AMOTL1: variants seen among roughly 807,000 people sequenced by gnomAD.
The protein encoded by AMOTL1 is angiomotin like 1.
In AMOTL1, 45 loss-of-function variants were observed where a neutral mutation model predicts 102.9. That is an observed-to-expected ratio of 0.44 (90% CI 0.34 to 0.56). The LOEUF (loss-of-function observed/expected upper bound fraction) is 0.56, where lower values mean the gene tolerates loss of function less well. AMOTL1 is among the 20% of genes least tolerant of loss of function. The pLI is 0.01. For synonymous variants in AMOTL1, 481 were observed against 484.7 expected, an observed-to-expected ratio of 0.99 and a Z score of 0.10; for missense variants, 1,114 against 1,225.6, an observed-to-expected ratio of 0.91 and a Z score of 1.36.
At chr11:94,723,169 C>A (rs1270150910) in intron 1 of AMOTL1, among the ~76,000 whole-genome samples, 2 of 152,068 alleles carry the variant, frequency 1.3e-5, no homozygotes, top group Non-Finnish European at 2.9e-5. Flanking sequence ...TGGCCATGCA[C>A]CGTGCTAACA....
At chr11:94,729,041 C>T in exon 2 of AMOTL1, 1 of 1,289,054 alleles carries the variant, frequency 7.8e-7, no homozygotes, top group Non-Finnish European at 1.0e-6. Context: ...CATCATTTTG[C>T]CAGCACCAGA....
At chr11:94,806,735 C>A (rs970826438) in intron 3 of AMOTL1, among the ~76,000 whole-genome samples, 1 of 152,082 alleles carries the variant, frequency 6.6e-6, no homozygotes, top group Non-Finnish European at 1.5e-5. Flanking sequence ...CCTAACAATT[C>A]CAGCTGTAAT....
chr11:94,718,817 T>C (rs984178221), intron 1 of AMOTL1, among the ~76,000 whole-genome samples: 2 of 151,934 alleles, frequency 1.3e-5, no homozygotes, highest in South Asian at 2.1e-4. Flanking sequence ...CGTTATAAAT[T>C]TTACCTTTCA....
Position 94,873,768 on chromosome 11 carries a change from C to CGTGTGT in AMOTL1, c.*2977_*2978insGTGTGT, listed in dbSNP as rs1565393213. 46 of 145,962 alleles carry CGTGTGT rather than the reference C, an allele frequency of 3.2e-4. No homozygotes were observed. The highest frequency in any genetic ancestry group is 1.1e-3 in the African/African-American group (43 of 39,088). The allele number at this position is 145,962 out of a possible 1,614,324, so 9.0% of individuals were successfully genotyped here. ...TGCCTGTCTGTGATGTGTGTGTGCA[C>CGTGTGT]GTGTAACTACACACACACACACACA... On this transcript the variant is annotated 3_prime_UTR_variant, in exon 13 of 13. Transcript: ENST00000433060.
At chr11:94,734,402 G>A (rs1268918530) in intron 2 of AMOTL1, among the ~76,000 whole-genome samples, 1 of 152,176 alleles carries the variant, frequency 6.6e-6, no homozygotes, top group African/African-American at 2.4e-5. Flanking sequence ...GTGGAGCTGT[G>A]CTAAAAGGAA....
At chr11:94,725,608 A>G (rs1251959076) in intron 1 of AMOTL1, among the ~76,000 whole-genome samples, 2 of 152,164 alleles carry the variant, frequency 1.3e-5, no homozygotes, top group Admixed American at 1.3e-4. Flanking sequence ...GATAAATGCT[A>G]TAATGAGGTA....
At chr11:94,858,710 A>T (rs1452639569) in intron 8 of AMOTL1, among the ~76,000 whole-genome samples, 1 of 152,234 alleles carries the variant, frequency 6.6e-6, no homozygotes, top group African/African-American at 2.4e-5. Context: ...TGAGACTCCA[A>T]GATAACTTAT....
At position 94,815,552 on chromosome 11, in the gene AMOTL1, C is replaced by T. The variant is rs191370881; in HGVS notation, c.1122-5978C>T. Among the ~76,000 whole-genome samples the T allele has an allele frequency of 1.2e-3, 189 of 151,950 alleles. 1 individual carries two copies. The highest frequency in any genetic ancestry group is 4.3e-3 in the African/African-American group (177 of 41,486). ...ATTTAAAATCTAAAGTTACATAATACGTATTCATTGAATGTCTGGGTCATT... is the reference window on the plus strand; with the variant it reads ...ATTTAAAATCTAAAGTTACATAATATGTATTCATTGAATGTCTGGGTCATT... On this transcript the variant is annotated intron_variant, in intron 3 of 12. Coordinates refer to ENST00000433060, the MANE Select transcript of AMOTL1 (RefSeq NM_130847.3).
At chr11:94,852,859 A>G (rs1354214971) in intron 7 of AMOTL1, among the ~76,000 whole-genome samples, 1 of 152,242 alleles carries the variant, frequency 6.6e-6, no homozygotes, top group African/African-American at 2.4e-5. Context: ...ATGGGTACAC[A>G]TACATATATA....
At chr11:94,794,678 A>G (rs766545537) in intron 1 of AMOTL1, among the ~76,000 whole-genome samples, 61 of 152,100 alleles carry the variant, frequency 4.0e-4, no homozygotes, top group Admixed American at 1.2e-3. Flanking sequence ...ACCATTCAGA[A>G]CTTTGTGACA....
At chr11:94,864,357 TGTA>T (rs1238600533) in intron 9 of AMOTL1, among the ~76,000 whole-genome samples, 8 of 152,186 alleles carry the variant, frequency 5.3e-5, no homozygotes, top group Non-Finnish European at 1.0e-4. Flanking sequence ...ACATACATAA[TGTA>T]GTCAGAAGGG....
Position 94,871,015 on chromosome 11 carries a change from G to C in AMOTL1, c.*220G>C. On this transcript the variant is annotated 3_prime_UTR_variant, in exon 13 of 13. Transcript: ENST00000433060. Reference sequence around the variant, plus strand: ...GGATTTTATTACACATGGTGGAAGAGAGAAGAGGCGTGTAGGTTTGCAAAC... The same window carrying C: ...GGATTTTATTACACATGGTGGAAGACAGAAGAGGCGTGTAGGTTTGCAAAC... The C allele has an allele frequency of 2.3e-6, 1 of 443,246 alleles. No individual in the cohort carries two copies. Among genetic ancestry groups the C allele is most frequent in the Non-Finnish European group, 4.0e-6 (1 of 249,868 alleles). The allele number at this position is 443,246 out of a possible 1,614,324, so 27.5% of individuals were successfully genotyped here. A position where few individuals can be genotyped will look rare whatever the true frequency, so the allele number is the denominator to read the frequency against.
At chr11:94,821,465 T>C in intron 3 of AMOTL1, 65 bp from the exon 4 acceptor site, 2 of 1,517,800 alleles carry the variant, frequency 1.3e-6, no homozygotes, top group Non-Finnish European at 1.8e-6. Flanking sequence ...CCAGTATTGT[T>C]GGGGCTTCCT....
rs1362656127 is a variant in AMOTL1, at chr11:94,831,444, G to T, written c.1559-8G>T. 22 of 1,606,594 alleles carry T rather than the reference G, an allele frequency of 1.4e-5. No individual in the cohort carries two copies. The highest frequency in any genetic ancestry group is 1.9e-5 in the Non-Finnish European group (22 of 1,175,530). On this transcript the variant is annotated splice_region_variant and splice_polypyrimidine_tract_variant and intron_variant, in intron 5 of 12. Transcript: ENST00000433060. ...ATTTCTTTGTAATCATTTCCTCTTT[G>T]TTCATAGATCGACTAGAGACTGCTA...
At chr11:94,788,407 A>G (rs2851582) in intron 1 of AMOTL1, among the ~76,000 whole-genome samples, 126,387 of 152,194 alleles carry the variant, frequency 0.83, 55,153 homozygotes, top group Non-Finnish European at 0.99. Flanking sequence ...ACCCAGTCCT[A>G]TGCTTTTGTT....
At chr11:94,857,091 C>T (rs1952683154) in intron 8 of AMOTL1, among the ~76,000 whole-genome samples, 1 of 152,202 alleles carries the variant, frequency 6.6e-6, no homozygotes, top group South Asian at 2.1e-4. Context: ...AATCCTGCCT[C>T]CCACCAGAAA....
intron 6 of AMOTL1, among the ~76,000 whole-genome samples, chr11:94,849,752 C>G (rs879664565): frequency 5.3e-5 from 8 of 152,074 alleles, no homozygotes; most frequent in Non-Finnish European, 8.8e-5. Context: ...ACCCTTTCAT[C>G]ACAGATTTGG....
chr11:94,785,183 C>T (rs924188851), intron 1 of AMOTL1, among the ~76,000 whole-genome samples: 1 of 152,140 alleles, frequency 6.6e-6, no homozygotes, highest in Admixed American at 6.5e-5. Context: ...GACCTTTCCC[C>T]TTTATCCACA....
At chr11:94,785,418 G>C (rs1951170611) in intron 1 of AMOTL1, among the ~76,000 whole-genome samples, 1 of 152,156 alleles carries the variant, frequency 6.6e-6, no homozygotes, top group Non-Finnish European at 1.5e-5. Flanking sequence ...AAATGGGAGT[G>C]AGTGGTGATA....
Sources: gnomAD v4.1 joint callset for allele counts (sites outside exome capture counted in the v4.1 genomes callset) on GRCh38, gnomAD v4.1.1 for gene constraint, MANE v1.5 for transcripts, NCBI Gene and HGNC (gene_info 2026-07-23, HGNC 2026-07-21) for gene names.